The following ANKRD31 variants were observed in gnomAD, a reference collection of about 807,000 sequenced individuals.
ANKRD31 encodes the protein ankyrin repeat domain 31, also known as ankyrin repeat domain-containing protein 31.
ANKRD31 carries 147 observed loss-of-function variants against 186.0 expected under a neutral mutation model. That is an observed-to-expected ratio of 0.79 (90% CI 0.69 to 0.91). The LOEUF (loss-of-function observed/expected upper bound fraction) is 0.91, where lower values mean the gene tolerates loss of function less well. ANKRD31 is among the 40% of genes least tolerant of loss of function. The pLI is 0.00. For missense variants in ANKRD31, 1,986 were observed against 2,148.8 expected, an observed-to-expected ratio of 0.92 and a Z score of 1.50; for synonymous variants, 673 against 736.4, an observed-to-expected ratio of 0.91 and a Z score of 1.39.
intron 3 of ANKRD31, among the ~76,000 whole-genome samples, chr5:75,211,731 C>T (rs899392743): frequency 6.6e-6 from 1 of 152,010 alleles, no homozygotes; most frequent in Non-Finnish European, 1.5e-5. Flanking sequence ...TTTTGATTTG[C>T]ATTTCCCTAA....
intron 20 of ANKRD31, among the ~76,000 whole-genome samples, chr5:75,110,291 G>C (rs1747665256): frequency 6.6e-6 from 1 of 152,092 alleles, no homozygotes; most frequent in Non-Finnish European, 1.5e-5. Context: ...AAGACAAGTG[G>C]CTGAAAAAGT....
At chr5:75,155,683 T>A (rs796591748) in intron 11 of ANKRD31, among the ~76,000 whole-genome samples, 1 of 152,172 alleles carries the variant, frequency 6.6e-6, no homozygotes, top group Non-Finnish European at 1.5e-5. Context: ...TCCATGTTAA[T>A]GTATGGAATG....
rs145392185 is a variant in ANKRD31 at position 75,146,950 on chromosome 5, C to T, written c.2461G>A (p.Val821Ile). Residue 821 changes from valine (V) to isoleucine (I), a missense_variant, in exon 14 of 26, where the codon GTT becomes ATT. Coordinates refer to ENST00000506364, the MANE Select transcript of ANKRD31 (RefSeq NM_001372053.1). The part of the protein sequence containing the change: ...QNLDLSDSQE[V>I]QCLELESVDQ... ...ACAGATTCTAATTCCAAGCATTGAA[C>T]TTCTTGACTATCTGATAAATCCAGG... 162 of 1,536,352 alleles carry T rather than the reference C, an allele frequency of 1.1e-4. 1 individual carries two copies. In the African/African-American group the frequency reaches 1.9e-3, roughly 18 times the overall value.
intron 10 of ANKRD31, among the ~76,000 whole-genome samples, chr5:75,171,826 C>T (rs1222098819): frequency 6.6e-6 from 1 of 151,188 alleles, no homozygotes; most frequent in African/African-American, 2.4e-5. Context: ...GGTTTCACTC[C>T]TAATTCTGTC....
intron 10 of ANKRD31, among the ~76,000 whole-genome samples, chr5:75,187,149 T>TGTGTGTGTGTGTGTGTGTG (rs1561518092): frequency 1.3e-5 from 2 of 148,634 alleles, no homozygotes; most frequent in South Asian, 4.2e-4. Context: ...TGTGTGTGTG[T>TGTGTGTGTGTGTGTGTGTG]TTTGGGAGGT....
intron 21 of ANKRD31, 75 bp downstream of exon 21, chr5:75,107,446 A>G (rs148037508): frequency 9.8e-7 from 1 of 1,016,948 alleles, no homozygotes; most frequent in African/African-American, 1.6e-5. Context: ...AAGAAATTCT[A>G]GACAACTATT....
chr5:75,149,098 C>T (rs562737033), intron 12 of ANKRD31, among the ~76,000 whole-genome samples: 2 of 151,798 alleles, frequency 1.3e-5, no homozygotes, highest in Non-Finnish European at 2.9e-5. Context: ...AAAGGCCAAC[C>T]GTCTTGTGAA....
intron 12 of ANKRD31, 65 bp from the exon 13 acceptor site, chr5:75,148,693 C>T (rs1442112347): frequency 1.6e-6 from 2 of 1,229,464 alleles, no homozygotes; most frequent in Non-Finnish European, 2.2e-6. Flanking sequence ...ACTTCTAAAA[C>T]CCACCAGTCC....
chr5:75,186,173 T>G (rs1358164266), intron 10 of ANKRD31, among the ~76,000 whole-genome samples: 1 of 152,160 alleles, frequency 6.6e-6, no homozygotes, highest in Non-Finnish European at 1.5e-5. Context: ...CTACAACAGA[T>G]CTTTTATTAC....
At chr5:75,176,583 G>A (rs1455584920) in intron 10 of ANKRD31, among the ~76,000 whole-genome samples, 3 of 152,268 alleles carry the variant, frequency 2.0e-5, no homozygotes, top group African/African-American at 4.8e-5. Context: ...ACCAATATCC[G>A]CTCTTCTGCA....
intron 3 of ANKRD31, among the ~76,000 whole-genome samples, chr5:75,211,565 C>A (rs10805893): frequency 0.51 from 76,824 of 152,060 alleles, 22,344 homozygotes; most frequent in African/African-American, 0.81. Flanking sequence ...TAAGGAATAG[C>A]CACACCATTT....
In ANKRD31 at chr5:75,084,369, C is replaced by G. The variant is rs377519399; in HGVS notation, c.5478G>C (p.Thr1826=). The change falls in exon 24 of 26, where the codon ACG becomes ACC. Residue 1826 remains threonine, a synonymous_variant. Transcript: ENST00000506364. ...ACCTTAAAAGCTCCTTCCCAAGATA[C>G]GTTACCTGCACATAATTAAGCACAA... is the stretch of plus-strand genomic sequence containing the variant. ...VTWNYAWSKV[T]YLGKELLRYV... 1 of 1,536,092 alleles carries G rather than the reference C, an allele frequency of 6.5e-7. No homozygotes were observed. The highest frequency in any genetic ancestry group is 2.4e-5 in the East Asian group (1 of 40,888).
At chr5:75,108,849 T>G (rs937773861) in intron 20 of ANKRD31, among the ~76,000 whole-genome samples, 4 of 152,172 alleles carry the variant, frequency 2.6e-5, no homozygotes, top group Non-Finnish European at 4.4e-5. Context: ...TAAAAGACAT[T>G]TTAAATTATC....
chr5:75,140,230 AGAAAGAAG>A (rs1482416568), intron 15 of ANKRD31, among the ~76,000 whole-genome samples: 1 of 114,572 alleles, frequency 8.7e-6, no homozygotes, highest in African/African-American at 4.6e-5. Context: ...AAGAAAAGAA[AGAAAGAAG>A]GAAGGAAGGA....
chr5:75,193,711 T>C, intron 7 of ANKRD31, 120 bp from the exon 8 acceptor site: 1 of 855,702 alleles, frequency 1.2e-6, no homozygotes. Context: ...AGGATCCAAG[T>C]ACAAGAATTC....
At chr5:75,226,084 C>T (rs576373848) in intron 2 of ANKRD31, among the ~76,000 whole-genome samples, 15 of 152,242 alleles carry the variant, frequency 9.9e-5, no homozygotes, top group South Asian at 2.1e-4. Flanking sequence ...CCTATGGAAA[C>T]GGGAAGGAAC....
At chr5:75,124,921 C>T (rs1749104291) in intron 17 of ANKRD31, among the ~76,000 whole-genome samples, 1 of 152,046 alleles carries the variant, frequency 6.6e-6, no homozygotes, top group Admixed American at 6.6e-5. Context: ...TATCCCTGCT[C>T]AATATATCCA....
At chr5:75,180,337 C>A (rs1754187678) in intron 10 of ANKRD31, among the ~76,000 whole-genome samples, 1 of 152,088 alleles carries the variant, frequency 6.6e-6, no homozygotes, top group South Asian at 2.1e-4. Flanking sequence ...TAATGCCATC[C>A]CCATCAAGCT....
At chr5:75,125,215 A>C (rs1469275304) in intron 17 of ANKRD31, among the ~76,000 whole-genome samples, 1 of 152,216 alleles carries the variant, frequency 6.6e-6, no homozygotes, top group East Asian at 1.9e-4. Flanking sequence ...CAGGTGAAAA[A>C]GTATTCTGCA....
Sources: allele counts gnomAD v4.1 joint callset (sites outside exome capture counted in the v4.1 genomes callset), GRCh38; gene constraint gnomAD v4.1.1; transcripts MANE v1.5; gene names NCBI Gene and HGNC (gene_info 2026-07-23, HGNC 2026-07-21).